The following TRIM33 variants were observed in gnomAD, a reference collection of about 807,000 sequenced individuals.
TRIM33 encodes the protein tripartite motif containing 33.
A neutral mutation model predicts 125.4 loss-of-function variants in TRIM33; 20 were observed. The ratio of observed to expected loss-of-function variants is 0.16; its 90% CI spans 0.11 to 0.23. TRIM33 has a LOEUF of 0.23. Ranked by LOEUF, TRIM33 falls within the 10% of genes least tolerant of loss-of-function variation. The pLI is 1.00. For missense variants in TRIM33, 920 were observed against 1,411.4 expected, an observed-to-expected ratio of 0.65 and a Z score of 5.58; for synonymous variants, 564 against 513.9, an observed-to-expected ratio of 1.10 and a Z score of -1.32.
At chr1:114,481,429 A>G (rs1183190483) in intron 1 of TRIM33, among the ~76,000 whole-genome samples, 5 of 151,738 alleles carry the variant, frequency 3.3e-5, no homozygotes, top group Non-Finnish European at 5.9e-5. Flanking sequence ...CATCTCTACT[A>G]AAACTATAAA....
intron 1 of TRIM33, among the ~76,000 whole-genome samples, chr1:114,485,477 A>G (rs1651626116): frequency 6.6e-6 from 1 of 152,084 alleles, no homozygotes; most frequent in Admixed American, 6.5e-5. Flanking sequence ...CTCCACCCCT[A>G]TTATGTAGCA....
rs758542854 is a variant in TRIM33, at chr1:114,399,445, A to C, written c.3120+12T>G. ...AACAAATCAAGACTCTATAGGTTGGAAGTTAACATACTTCATTAAACCTTT... is the reference window on the plus strand; with the variant it reads ...AACAAATCAAGACTCTATAGGTTGGCAGTTAACATACTTCATTAAACCTTT... On this transcript the variant is annotated intron_variant, in intron 18 of 19. Coordinates refer to ENST00000358465, the MANE Select transcript of TRIM33 (RefSeq NM_015906.4). 3 of 1,611,152 alleles carry C rather than the reference A, an allele frequency of 1.9e-6. No individual in the cohort carries two copies. The African/African-American group carries it at 4.0e-5, about 22-fold the overall frequency.
chr1:114,486,538 C>T (rs745465371), intron 1 of TRIM33, among the ~76,000 whole-genome samples: 33 of 133,926 alleles, frequency 2.5e-4, no homozygotes, highest in Non-Finnish European at 4.3e-4. Flanking sequence ...CACAGTGGGA[C>T]CCTATCTCAA....
intron 4 of TRIM33, among the ~76,000 whole-genome samples, chr1:114,434,468 AT>A (rs1648156193): frequency 6.6e-6 from 1 of 152,270 alleles, no homozygotes; most frequent in Non-Finnish European, 1.5e-5. Flanking sequence ...AATAAAAAAC[AT>A]CACATCAACA....
chr1:114,395,339 A>T lies in TRIM33; in HGVS notation c.*2309T>A, dbSNP rs1032150690. On this transcript the variant is annotated 3_prime_UTR_variant, in exon 20 of 20. Transcript: ENST00000358465. ...ACCAATCTTAAAACCAAAAAAACCTAAAAACTCTATCTAACATGTAATTTT... is the reference window on the plus strand; with the variant it reads ...ACCAATCTTAAAACCAAAAAAACCTTAAAACTCTATCTAACATGTAATTTT... 4.9e-6 allele frequency: 1 copy of T among 203,566 alleles called. No homozygotes were observed. The highest frequency in any genetic ancestry group is 1.0e-5 in the Non-Finnish European group (1 of 99,262). The allele number at this position is 203,566 out of a possible 1,614,324, so 12.6% of individuals were successfully genotyped here.
chr1:114,438,939 G>A (rs1648476879), intron 4 of TRIM33, among the ~76,000 whole-genome samples: 1 of 152,102 alleles, frequency 6.6e-6, no homozygotes, highest in Non-Finnish European at 1.5e-5. Context: ...TTCAGGAAAG[G>A]GACAGAGAGT....
intron 13 of TRIM33, among the ~76,000 whole-genome samples, 192 bp downstream of exon 13, chr1:114,408,482 TGAG>T (rs1469018560): frequency 4.6e-5 from 7 of 152,166 alleles, no homozygotes; most frequent in Non-Finnish European, 1.0e-4. Flanking sequence ...GTGAAATGAC[TGAG>T]ATTTGTTTCA....
chr1:114,470,829 C>T (rs2101428812), intron 1 of TRIM33, among the ~76,000 whole-genome samples: 1 of 152,310 alleles, frequency 6.6e-6, no homozygotes, highest in South Asian at 2.1e-4. Flanking sequence ...GAGATAGGGT[C>T]TTGCTCTATG....
intron 1 of TRIM33, among the ~76,000 whole-genome samples, chr1:114,477,039 G>C (rs1023055840): frequency 6.6e-6 from 1 of 152,186 alleles, no homozygotes; most frequent in Non-Finnish European, 1.5e-5. Context: ...CCACTCCAGC[G>C]TATTGACTCT....
intron 6 of TRIM33, among the ~76,000 whole-genome samples, chr1:114,429,392 C>T (rs553075557): frequency 1.7e-4 from 26 of 151,684 alleles, no homozygotes; most frequent in African/African-American, 6.3e-4. Flanking sequence ...GGGGTTTCAC[C>T]ATGTTGGCCA....
chr1:114,417,122 C>T (rs1404208690), intron 11 of TRIM33, among the ~76,000 whole-genome samples: 4 of 152,124 alleles, frequency 2.6e-5, no homozygotes, highest in African/African-American at 9.7e-5. Context: ...AGCCAGACAT[C>T]AAAGGCCAAA....
Position 114,410,226 on chromosome 1 carries a change from T to C in TRIM33, c.2152A>G (p.Asn718Asp). ...AGGGCAGAGGGACCTGGAGAAGGAT[T>C]CATGGTGCTTGTAGGCTGTGGGGGT... The part of the protein sequence containing the change: ...HLPPQPTSTM[N>D]PSPGPSALSP... Residue 718 changes from asparagine to aspartate, a missense_variant, in exon 12 of 20, where the codon AAT becomes GAT. Asn to Asp is a conservative substitution (Grantham distance 23, BLOSUM62 1). This residue lies in a region of TRIM33 where 407 missense variants were observed against 589.7 expected (regional missense o/e 0.69). Transcript: ENST00000358465. The C allele has an allele frequency of 1.9e-6, 3 of 1,614,038 alleles. No individual in the cohort carries two copies. The highest frequency in any genetic ancestry group is 1.7e-6 in the Non-Finnish European group (2 of 1,179,966).
chr1:114,412,457 A>AGTTG (rs1347755117), intron 11 of TRIM33, among the ~76,000 whole-genome samples: 8 of 152,210 alleles, frequency 5.3e-5, no homozygotes, highest in African/African-American at 1.9e-4. Context: ...TGGGAAACCC[A>AGTTG]AATCAAGAAT....
At chr1:114,415,575 G>A (rs1652882819) in intron 11 of TRIM33, among the ~76,000 whole-genome samples, 2 of 152,134 alleles carry the variant, frequency 1.3e-5, no homozygotes, top group South Asian at 2.1e-4. Context: ...GGCAGATGTA[G>A]GATCTTCTGC....
At chr1:114,503,541 T>A (rs920977208) in intron 1 of TRIM33, among the ~76,000 whole-genome samples, 5 of 152,172 alleles carry the variant, frequency 3.3e-5, no homozygotes, top group Middle Eastern at 6.3e-3. Flanking sequence ...GCACTTAACA[T>A]CATGCATTTC....
chr1:114,507,404 T>C (rs1251452833), intron 1 of TRIM33, among the ~76,000 whole-genome samples: 1 of 152,104 alleles, frequency 6.6e-6, no homozygotes, highest in Non-Finnish European at 1.5e-5. Context: ...ATAAATGTAT[T>C]AAGAGAAACA....
At chr1:114,430,733 A>G in intron 6 of TRIM33, 65 bp downstream of exon 6, 1 of 876,828 alleles carries the variant, frequency 1.1e-6, no homozygotes, top group Non-Finnish European at 1.9e-6. Context: ...AGTTTTCAAT[A>G]AACATTAAAA....
rs543349146 is a variant in TRIM33 at position 114,504,325 on chromosome 1, C to T, written c.526+6226G>A. Among the ~76,000 whole-genome samples the T allele has an allele frequency of 7.9e-5, 12 of 152,148 alleles. No homozygotes were observed. The South Asian group carries it at 8.3e-4, about 11-fold the overall frequency. ...CGACTACAGACACGCACTACCATGC[C>T]TATTTAATTTTTTTGTATTTTTTGT... On this transcript the variant is annotated intron_variant, in intron 1 of 19. Coordinates refer to ENST00000358465, the MANE Select transcript of TRIM33 (RefSeq NM_015906.4).
chr1:114,414,668 T>C (rs1652815467), intron 11 of TRIM33, among the ~76,000 whole-genome samples: 1 of 152,176 alleles, frequency 6.6e-6, no homozygotes, highest in Admixed American at 6.5e-5. Flanking sequence ...CAATTTATTA[T>C]AGGTAGGGTT....
Sources: allele counts gnomAD v4.1 joint callset (sites outside exome capture counted in the v4.1 genomes callset), GRCh38; gene constraint gnomAD v4.1.1; regional missense constraint gnomAD v4.1.1; transcripts MANE v1.5; gene names NCBI Gene and HGNC (gene_info 2026-07-23, HGNC 2026-07-21).